Variants in ACBD5 observed in about 807,000 individuals in gnomAD.
ACBD5 encodes acyl-CoA-binding domain-containing protein 5.
ACBD5 carries 40 observed loss-of-function variants against 71.8 expected under a neutral mutation model. The observed-to-expected ratio is 0.56, with a 90% CI of 0.43 to 0.72. ACBD5 has a LOEUF of 0.72. Among genes scored for constraint, ACBD5 ranks in the 30% least tolerant of loss-of-function variants. The probability of loss-of-function intolerance (pLI) is 0.00; values close to 1 mark genes in which losing one functional copy is unlikely to be tolerated. For synonymous variants in ACBD5, 229 were observed against 218.6 expected (o/e 1.05, Z -0.42); for missense variants, 559 against 644.5 (o/e 0.87, Z 1.44).
downstream of ACBD5, among the ~76,000 whole-genome samples, chr10:27,194,124 G>T (rs1198561777): frequency 6.6e-6 from 1 of 151,824 alleles, no homozygotes; most frequent in Non-Finnish European, 1.5e-5. Flanking sequence ...TGTGGCATAT[G>T]CCTGTAATCC....
intron 9 of ACBD5, among the ~76,000 whole-genome samples, chr10:27,209,040 C>A (rs1589083922): frequency 1.3e-5 from 2 of 151,974 alleles, no homozygotes; most frequent in South Asian, 4.2e-4. Flanking sequence ...TTTGGAGTGC[C>A]TGCTCAAAAA....
Position 27,240,373 on chromosome 10 carries a change from G to A in ACBD5, c.127C>T (p.His43Tyr). 6.2e-7 allele frequency: 1 copy of A among 1,614,062 alleles called. No homozygotes were observed. Among genetic ancestry groups the A allele is most frequent in the Non-Finnish European group, 8.5e-7 (1 of 1,180,018 alleles). The change falls in exon 2 of 13, where the codon CAC becomes TAC. Residue 43 changes from histidine (H) to tyrosine (Y), a missense_variant. His to Tyr is a moderately conservative substitution (Grantham distance 83, BLOSUM62 2). Coordinates refer to ENST00000396271, the MANE Select transcript of ACBD5 (RefSeq NM_145698.5). The surrounding 1 kb of genome is among the most constrained non-coding windows in gnomAD (Gnocchi z 4.1). ...ACGGCCGCCTCAAACCTAGTCTCGT[G>A]CACGGATCTCGTGTCCGCCATCTCC... ...QLEMADTRSV[H>Y]ETRFEAAVKV...
intron 4 of ACBD5, among the ~76,000 whole-genome samples, chr10:27,226,487 C>T (rs530858075): frequency 2.0e-3 from 284 of 144,900 alleles, no homozygotes; most frequent in African/African-American, 7.0e-3. Flanking sequence ...CACACACACA[C>T]AAGCAGACAC....
At chr10:27,191,059 TAC>T (rs777622112), downstream of ACBD5, among the ~76,000 whole-genome samples, 3 of 152,196 alleles carry the variant, frequency 2.0e-5, no homozygotes, top group Non-Finnish European at 4.4e-5. Flanking sequence ...CAAATTCTTT[TAC>T]ACTCTTCCTT....
chr10:27,236,435 A>G (rs1293009350), intron 2 of ACBD5, among the ~76,000 whole-genome samples: 2 of 152,230 alleles, frequency 1.3e-5, no homozygotes, highest in Non-Finnish European at 2.9e-5. Flanking sequence ...TTTAAAGACT[A>G]TCTCTGAATA....
downstream of ACBD5, among the ~76,000 whole-genome samples, chr10:27,192,283 GA>G (rs906549421): frequency 4.5e-4 from 66 of 147,668 alleles, no homozygotes; most frequent in African/African-American, 1.5e-3. Flanking sequence ...TAGGGATTGT[GA>G]AAAAAAAAAT....
At chr10:27,212,780 C>T (rs779493536) in intron 8 of ACBD5, among the ~76,000 whole-genome samples, 28 of 152,068 alleles carry the variant, frequency 1.8e-4, no homozygotes, top group Non-Finnish European at 3.7e-4. Flanking sequence ...AACTTGTGAG[C>T]TCAAGTGATC....
intron 7 of ACBD5, among the ~76,000 whole-genome samples, chr10:27,217,621 C>T (rs1399219643): frequency 6.6e-6 from 1 of 152,040 alleles, no homozygotes; most frequent in Non-Finnish European, 1.5e-5. Flanking sequence ...TCCAGACCAG[C>T]CTGGGCTACC....
intron 6 of ACBD5, among the ~76,000 whole-genome samples, chr10:27,219,124 A>G (rs992385409): frequency 1.3e-5 from 2 of 151,996 alleles, no homozygotes; most frequent in African/African-American, 4.8e-5. Flanking sequence ...CAACATGGTG[A>G]CATCCTGTCT....
intron 8 of ACBD5, among the ~76,000 whole-genome samples, chr10:27,215,157 C>A (rs2061487735): frequency 6.6e-6 from 1 of 150,550 alleles, no homozygotes; most frequent in African/African-American, 2.5e-5. Flanking sequence ...GACAGAGACC[C>A]CATCTCTAAA....
At chr10:27,198,504 T>G (rs766878122) in intron 12 of ACBD5, among the ~76,000 whole-genome samples, 9 of 152,206 alleles carry the variant, frequency 5.9e-5, no homozygotes, top group Non-Finnish European at 1.2e-4. Flanking sequence ...AGTGATATTT[T>G]AAACAATCAG....
chr10:27,204,400 G>T (rs769496795), intron 12 of ACBD5, 40 bp downstream of exon 12: 12 of 1,460,736 alleles, frequency 8.2e-6, no homozygotes, highest in South Asian at 8.0e-5. Context: ...TATAGGTTAT[G>T]AGAGTTATAC....
intron 12 of ACBD5, among the ~76,000 whole-genome samples, chr10:27,201,485 G>A (rs1456081761): frequency 6.6e-6 from 1 of 152,166 alleles, no homozygotes; most frequent in Non-Finnish European, 1.5e-5. Context: ...TTTTAATGTT[G>A]AAGGAAAAGA....
intron 3 of ACBD5, among the ~76,000 whole-genome samples, chr10:27,233,057 TAAAAC>T (rs1457740575): frequency 2.6e-5 from 4 of 152,164 alleles, no homozygotes; most frequent in African/African-American, 7.2e-5. Flanking sequence ...TAAGAAATCT[TAAAAC>T]AAGCTTATGG....
At chr10:27,188,818 T>C (rs1454272430) in intron 13 of ACBD5, among the ~76,000 whole-genome samples, 1 of 152,206 alleles carries the variant, frequency 6.6e-6, no homozygotes, top group East Asian at 1.9e-4. Flanking sequence ...AAAAAGGGGA[T>C]GGTTTTGACA....
At chr10:27,228,815 A>ATATATTTTTT (rs1554856598) in intron 4 of ACBD5, among the ~76,000 whole-genome samples, 5 of 20,368 alleles carry the variant, frequency 2.5e-4, no homozygotes, top group Non-Finnish European at 6.3e-4. Context: ...ATATATATAT[A>ATATATTTTTT]TTTTTTTTTT....
At chr10:27,207,325 A>G (rs2060575597) in intron 10 of ACBD5, among the ~76,000 whole-genome samples, 1 of 151,616 alleles carries the variant, frequency 6.6e-6, no homozygotes, top group African/African-American at 2.4e-5. Context: ...CATGTAACTG[A>G]GAATTGTGGA....
intron 13 of ACBD5, chr10:27,186,497 T>C (rs1420513910): frequency 6.2e-7 from 1 of 1,614,042 alleles, no homozygotes; most frequent in Non-Finnish European, 8.5e-7. Context: ...AAGCCAGGAA[T>C]ACTGCTCAGC....
At chr10:27,199,830 A>C (rs557383381) in intron 12 of ACBD5, among the ~76,000 whole-genome samples, 2 of 152,206 alleles carry the variant, frequency 1.3e-5, no homozygotes, top group East Asian at 3.9e-4. Context: ...TCTCTACTAA[A>C]AATATAAACA....
Sources: gnomAD v4.1 joint callset for allele counts (sites outside exome capture counted in the v4.1 genomes callset) on GRCh38, gnomAD v4.1.1 for gene constraint, Gnocchi (gnomAD v3.1) non-coding constraint, MANE v1.5 for transcripts, NCBI Gene and HGNC (gene_info 2026-07-23, HGNC 2026-07-21) for gene names.